The following MINDY2 variants were observed in gnomAD, a reference collection of about 807,000 sequenced individuals.
MINDY2 encodes the protein ubiquitin carboxyl-terminal hydrolase MINDY-2.
In MINDY2, 52 loss-of-function variants were observed where a neutral mutation model predicts 68.2. The ratio of observed to expected loss-of-function variants is 0.76; its 90% CI spans 0.61 to 0.96. MINDY2 has a LOEUF of 0.96. Among genes scored for constraint, MINDY2 ranks in the 40% least tolerant of loss-of-function variants. The probability of loss-of-function intolerance (pLI) is 0.00; values close to 1 mark genes in which losing one functional copy is unlikely to be tolerated. For synonymous variants in MINDY2, 372 were observed against 303.0 expected (o/e 1.23, Z -2.36); for missense variants, 881 against 773.4 (o/e 1.14, Z -1.65).
intron 1 of MINDY2, among the ~76,000 whole-genome samples, chr15:58,775,818 T>C (rs1900738049): frequency 6.6e-6 from 1 of 152,114 alleles, no homozygotes; most frequent in Admixed American, 6.5e-5. Flanking sequence ...ATGTTCGTTA[T>C]GCTGTTAGAA....
chr15:58,841,269 C>T (rs2032269663), intron 6 of MINDY2, among the ~76,000 whole-genome samples: 1 of 151,988 alleles, frequency 6.6e-6, no homozygotes, highest in Non-Finnish European at 1.5e-5. Flanking sequence ...AGGCATGAGC[C>T]ACTGCACTGA....
In MINDY2 at chr15:58,854,481, G is replaced by A. The variant is rs2032984779; in HGVS notation, c.1738-1G>A. On this transcript the variant is annotated splice_acceptor_variant, in intron 8 of 8. Transcript: ENST00000559228. LOFTEE classifies it high-confidence loss of function. ...TTTCTTGCTGTATATTTTTCTTAAAGCAGGGCCAGCCAGCACAAGCCTCTC... is the reference window on the plus strand; with the variant it reads ...TTTCTTGCTGTATATTTTTCTTAAAACAGGGCCAGCCAGCACAAGCCTCTC... 8 of 1,608,506 alleles carry A rather than the reference G, an allele frequency of 5.0e-6. No homozygotes were observed. The East Asian group carries it at 1.1e-4, about 22-fold the overall frequency.
chr15:58,853,609 A>G (rs1487404844), intron 8 of MINDY2, among the ~76,000 whole-genome samples: 2 of 152,034 alleles, frequency 1.3e-5, no homozygotes, highest in Non-Finnish European at 2.9e-5. Context: ...TCTCGAGGCC[A>G]GGAGTTCGAG....
intron 4 of MINDY2, among the ~76,000 whole-genome samples, chr15:58,820,645 G>T (rs1365306825): frequency 1.3e-5 from 2 of 152,012 alleles, no homozygotes; most frequent in East Asian, 3.8e-4. Flanking sequence ...CTCAAACTTC[G>T]CTATGCATCG....
At chr15:58,827,938 A>G (rs1475546177) in intron 5 of MINDY2, among the ~76,000 whole-genome samples, 3 of 152,030 alleles carry the variant, frequency 2.0e-5, no homozygotes, top group African/African-American at 4.8e-5. Context: ...CCTGGAATCA[A>G]ATCATATGAG....
At chr15:58,779,086 A>T (rs1399970148) in intron 1 of MINDY2, among the ~76,000 whole-genome samples, 2 of 148,138 alleles carry the variant, frequency 1.4e-5, no homozygotes, top group African/African-American at 5.0e-5. Context: ...CTCTTTAGAG[A>T]TGTGTCTCAC....
At chr15:58,815,718 T>G (rs1207105650) in intron 4 of MINDY2, 1 of 152,170 alleles carries the variant, frequency 6.6e-6, no homozygotes, top group African/African-American at 2.4e-5. Context: ...AGTCTCACTC[T>G]GTCGCCAGGC....
intron 5 of MINDY2, among the ~76,000 whole-genome samples, chr15:58,831,048 T>TATATAC: frequency 6.7e-6 from 1 of 149,408 alleles, no homozygotes; most frequent in Non-Finnish European, 1.5e-5. Flanking sequence ...TGTGTATATA[T>TATATAC]ATATATATAT....
At chr15:58,831,643 C>A in intron 5 of MINDY2, 131 bp from the exon 6 acceptor site, 1 of 711,508 alleles carries the variant, frequency 1.4e-6, no homozygotes, top group Non-Finnish European at 2.2e-6. Flanking sequence ...TTGGAGCCAT[C>A]ATAAAGTAGT....
intron 6 of MINDY2, among the ~76,000 whole-genome samples, chr15:58,841,600 T>G (rs1050881194): frequency 2.0e-5 from 3 of 151,900 alleles, no homozygotes; most frequent in Non-Finnish European, 4.4e-5. Context: ...AGACACAGTT[T>G]CACCATGTTC....
At chr15:58,774,345 A>C (rs1900637673) in intron 1 of MINDY2, among the ~76,000 whole-genome samples, 1 of 152,056 alleles carries the variant, frequency 6.6e-6, no homozygotes, top group Non-Finnish European at 1.5e-5. Context: ...TTAGACGGGC[A>C]TGGTGGTGGG....
chr15:58,792,595 G>A (rs1902020422), intron 2 of MINDY2, among the ~76,000 whole-genome samples: 1 of 151,972 alleles, frequency 6.6e-6, no homozygotes, highest in African/African-American at 2.4e-5. Context: ...GACAGAGCAA[G>A]ACTCTGTCTC....
chr15:58,788,748 G>A (rs921183363), intron 2 of MINDY2, among the ~76,000 whole-genome samples: 4 of 152,144 alleles, frequency 2.6e-5, no homozygotes, highest in Non-Finnish European at 4.4e-5. Context: ...GGTGGCTCAC[G>A]CCTGTAATCC....
chr15:58,784,358 C>T (rs528999618), intron 1 of MINDY2, among the ~76,000 whole-genome samples: 1 of 152,058 alleles, frequency 6.6e-6, no homozygotes, highest in South Asian at 2.1e-4. Context: ...CTCAGGAAAT[C>T]TAGTTAATTC....
chr15:58,784,190 G>A (rs1340741348), intron 1 of MINDY2, among the ~76,000 whole-genome samples: 1 of 152,054 alleles, frequency 6.6e-6, no homozygotes, highest in Non-Finnish European at 1.5e-5. Flanking sequence ...GCCAGGTGTG[G>A]TGGTGCGTGC....
At chr15:58,778,153 G>A (rs1434335877) in intron 1 of MINDY2, among the ~76,000 whole-genome samples, 1 of 151,958 alleles carries the variant, frequency 6.6e-6, no homozygotes, top group Non-Finnish European at 1.5e-5. Flanking sequence ...GAATGTTATA[G>A]GTTCTGAGGC....
intron 6 of MINDY2, among the ~76,000 whole-genome samples, chr15:58,841,936 G>T (rs1224266944): frequency 6.6e-6 from 1 of 151,842 alleles, no homozygotes; most frequent in Non-Finnish European, 1.5e-5. Context: ...ATGACTGTTG[G>T]ATTCCTATCC....
intron 2 of MINDY2, 122 bp from the exon 3 acceptor site, chr15:58,802,191 C>G (rs890142509): frequency 8.9e-5 from 60 of 674,034 alleles, no homozygotes; most frequent in South Asian, 2.9e-4. Context: ...ATTGGGGAGT[C>G]AATTTTATAT....
At chr15:58,854,430 T>G in intron 8 of MINDY2, 52 bp from the exon 9 acceptor site, 1 of 1,571,604 alleles carries the variant, frequency 6.4e-7, no homozygotes, top group South Asian at 1.2e-5. Flanking sequence ...TAACCATGAG[T>G]AAGTCCCTCA....
Sources: allele counts gnomAD v4.1 joint callset (sites outside exome capture counted in the v4.1 genomes callset), GRCh38; gene constraint gnomAD v4.1.1; transcripts MANE v1.5; gene names NCBI Gene and HGNC (gene_info 2026-07-23, HGNC 2026-07-21).